SARDH: variants seen among roughly 807,000 people sequenced by gnomAD.
SARDH encodes the protein sarcosine dehydrogenase, mitochondrial.
Under a neutral mutation model 109.1 loss-of-function variants are expected in SARDH, and 95 were observed. That is an observed-to-expected ratio of 0.87 (90% confidence interval 0.74 to 1.03). The LOEUF (loss-of-function observed/expected upper bound fraction) is 1.03, where lower values mean the gene tolerates loss of function less well. Among genes scored for constraint, SARDH ranks in the 50% least tolerant of loss-of-function variants. SARDH has a pLI of 0.00. For missense variants in SARDH, 1,267 were observed against 1,287.8 expected (o/e 0.98, Z 0.25); for synonymous variants, 572 against 534.8 (o/e 1.07, Z -0.96).
chr9:133,720,646 A>AAGAG (rs35425856), intron 6 of SARDH, among the ~76,000 whole-genome samples: 74 of 151,920 alleles, frequency 4.9e-4, no homozygotes, highest in African/African-American at 8.4e-4. Context: ...GGCAGCAGGA[A>AAGAG]AGAGAGAGAG....
chr9:133,732,870 G>A (rs886313167), intron 2 of SARDH, among the ~76,000 whole-genome samples: 10 of 152,196 alleles, frequency 6.6e-5, no homozygotes, highest in African/African-American at 1.4e-4. Context: ...GCCAAGCCCC[G>A]TGCTAAGCCT....
Position 133,696,193 on chromosome 9 carries a change from G to T in SARDH, c.1807+30C>A, listed in dbSNP as rs769505526. On this transcript the variant is annotated intron_variant, in intron 14 of 20. Transcript: ENST00000439388. ...TGAGGCTGTGCCCATGGAGTGACAG[G>T]AACATGCCCCCCAACCTCAGGCTCC... 51 of 1,611,404 alleles carry T rather than the reference G, an allele frequency of 3.2e-5. No homozygotes were observed. In the South Asian group the frequency reaches 5.4e-4, roughly 17 times the overall value.
At position 133,704,848 on chromosome 9, in the gene SARDH, A is replaced by G. The variant is rs58180720; in HGVS notation, c.1554+100T>C. 8.2e-3 allele frequency: 7,961 copies of G among 975,806 alleles called. 444 individuals are homozygous for G. The African/African-American group carries it at 0.11, about 14-fold the overall frequency. The allele number at this position is 975,806 out of a possible 1,614,324, so 60.4% of individuals were successfully genotyped here. A position where few individuals can be genotyped will look rare whatever the true frequency, so the allele number is the denominator to read the frequency against. On this transcript the variant is annotated intron_variant, in intron 12 of 20. Transcript: ENST00000439388. The surrounding 1 kb of genome is among the most constrained non-coding windows in gnomAD (Gnocchi z 4.5). ...ATCACGACAGTGGAACCACCTGGGG[A>G]GGCGGGGCACACGGAGGGGCAAGGA...
rs1457324148 is a variant in SARDH at position 133,704,954 on chromosome 9, T to C, written c.1548A>G (p.Pro516=). 3 of 1,576,620 alleles carry C rather than the reference T, an allele frequency of 1.9e-6. No homozygotes were observed. Among genetic ancestry groups the C allele is most frequent in the African/African-American group, 2.7e-5 (2 of 74,480 alleles). The stretch of plus-strand genomic sequence containing the variant: ...CCCAGCAGGCACTACTCACCGGAGC[T>C]GGGCCTCGGGGATGAAACCATCCCG... ...ERPGWFHPRG[P]APVLEYDYYG... The change falls in exon 12 of 21, where the codon CCA becomes CCG. Residue 516 remains proline (P), a synonymous_variant. Transcript: ENST00000439388. This position sits in a 1 kb window ranked among gnomAD's most constrained non-coding sequence, Gnocchi z 4.5.
At chr9:133,690,689 C>G (rs377752168) in intron 15 of SARDH, among the ~76,000 whole-genome samples, 162 bp from the exon 16 acceptor site, 1 of 152,060 alleles carries the variant, frequency 6.6e-6, no homozygotes, top group Non-Finnish European at 1.5e-5. Context: ...CTGGGTCCCC[C>G]AGGGCCACGC....
intron 11 of SARDH, 151 bp from the exon 12 acceptor site, chr9:133,705,182 C>T (rs1318607259): frequency 2.9e-5 from 21 of 717,448 alleles, no homozygotes; most frequent in Non-Finnish European, 5.1e-5. Context: ...GTGTTTGCAG[C>T]TACCCTCACT....
intron 4 of SARDH, among the ~76,000 whole-genome samples, chr9:133,730,846 G>A (rs1055447479): frequency 3.1e-4 from 47 of 152,056 alleles, no homozygotes; most frequent in Non-Finnish European, 1.5e-4. Flanking sequence ...GAGTGGTGGC[G>A]GGTGCCTGTA....
chr9:133,722,484 C>G (rs1414464110), intron 6 of SARDH, among the ~76,000 whole-genome samples: 1 of 152,018 alleles, frequency 6.6e-6, no homozygotes, highest in Non-Finnish European at 1.5e-5. Context: ...CCCTTCTACC[C>G]AACATTACAT....
In SARDH at chr9:133,693,642, T is replaced by C. The variant is rs1831180096; in HGVS notation, c.1921+616A>G. 2.0e-5 allele frequency among the ~76,000 whole-genome samples: 3 copies of C among 152,204 alleles called. No homozygotes were observed. Among genetic ancestry groups the C allele is most frequent in the Admixed American group, 2.0e-4 (3 of 15,278 alleles). ...ACAGGACGAGAGATCAGATGGCTCC[T>C]GTGTGAACCCAGGGACAGGATCAGG... On this transcript the variant is annotated intron_variant, in intron 15 of 20. Transcript: ENST00000439388. The surrounding 1 kb of genome is among the most constrained non-coding windows in gnomAD (Gnocchi z 5.6).
intron 15 of SARDH, among the ~76,000 whole-genome samples, chr9:133,690,808 GACGGTGTC>G (rs1831064140): frequency 6.6e-6 from 1 of 152,166 alleles, no homozygotes; most frequent in African/African-American, 2.4e-5. Flanking sequence ...ACCCTGGGAG[GACGGTGTC>G]TTGGGAACAC....
intron 17 of SARDH, among the ~76,000 whole-genome samples, chr9:133,681,838 G>A (rs1052876558): frequency 6.6e-6 from 1 of 152,098 alleles, no homozygotes; most frequent in East Asian, 1.9e-4. Context: ...GCACCTCCCC[G>A]CCGCCTATTT....
At chr9:133,659,715 C>T (rs752457687), downstream of SARDH, among the ~76,000 whole-genome samples, 7 of 152,286 alleles carry the variant, frequency 4.6e-5, no homozygotes, top group East Asian at 3.9e-4. Context: ...CTCTGCCTCA[C>T]GTTGTATAAA....
chr9:133,705,064 G>C, intron 11 of SARDH, 33 bp from the exon 12 acceptor site: 1 of 1,556,208 alleles, frequency 6.4e-7, no homozygotes, highest in Non-Finnish European at 8.7e-7. Context: ...CATCTGTCAC[G>C]CATGGCCTGA....
At position 133,729,762 on chromosome 9, in the gene SARDH, T is replaced by C. The variant is rs1588455062; in HGVS notation, c.915+3A>G. ...GACACAGAACCCGGGGCTGTCCACCTACCTGAATCCCCTCGATGCGCTCGG... is the reference window on the plus strand; with the variant it reads ...GACACAGAACCCGGGGCTGTCCACCCACCTGAATCCCCTCGATGCGCTCGG... On this transcript the variant is annotated splice_donor_region_variant and intron_variant, in intron 6 of 20. Transcript: ENST00000439388. 1 of 1,611,616 alleles carries C rather than the reference T, an allele frequency of 6.2e-7. No homozygotes were observed. Among genetic ancestry groups the C allele is most frequent in the Non-Finnish European group, 8.5e-7 (1 of 1,179,284 alleles).
At position 133,716,147 on chromosome 9, in the gene SARDH, G is replaced by A. The variant is rs143191132; in HGVS notation, c.1150+1179C>T. On this transcript the variant is annotated intron_variant, in intron 8 of 20. Transcript: ENST00000439388. ...GCCGGGCTAGGCTGCCCCTCCTCCT[G>A]GCCGCCCGTCTGTGTCCTCAGGCTG... Among the ~76,000 whole-genome samples the A allele has an allele frequency of 2.5e-4, 38 of 152,264 alleles. 1 individual carries two copies. In the East Asian group the frequency reaches 6.2e-3, roughly 25 times the overall value.
At chr9:133,679,675 C>T (rs528405371) in intron 17 of SARDH, among the ~76,000 whole-genome samples, 3 of 152,330 alleles carry the variant, frequency 2.0e-5, no homozygotes, top group South Asian at 4.1e-4. Context: ...GGCTGCTGAG[C>T]GGACAATAAC....
intron 14 of SARDH, 99 bp downstream of exon 14, chr9:133,696,124 G>T: frequency 6.9e-7 from 1 of 1,458,546 alleles, no homozygotes; most frequent in East Asian, 2.3e-5. Context: ...GTGTGCTCAG[G>T]GTGCCCGAGG....
Position 133,692,510 on chromosome 9 carries a change from C to T in SARDH, c.1921+1748G>A, listed in dbSNP as rs560954658. ...CTTGTAGCCAGTGGCTCCTCCCCAT[C>T]CTTCCAAGCTCAGGCCGGCCCTCTC... is the stretch of plus-strand genomic sequence containing the variant. On this transcript the variant is annotated intron_variant, in intron 15 of 20. Transcript: ENST00000439388. The surrounding 1 kb of genome is among the most constrained non-coding windows in gnomAD (Gnocchi z 5.0). Among the ~76,000 whole-genome samples the T allele has an allele frequency of 3.3e-5, 5 of 152,294 alleles. No individual in the cohort carries two copies. The East Asian group carries it at 5.8e-4, about 18-fold the overall frequency.
At chr9:133,691,862 C>T (rs745912350) in intron 15 of SARDH, among the ~76,000 whole-genome samples, 3 of 152,122 alleles carry the variant, frequency 2.0e-5, no homozygotes, top group African/African-American at 4.8e-5. Flanking sequence ...CCCCAGGACC[C>T]GCAGAGCCCT....
Sources: gnomAD v4.1 joint callset for allele counts (sites outside exome capture counted in the v4.1 genomes callset) on GRCh38, gnomAD v4.1.1 for gene constraint, Gnocchi (gnomAD v3.1) non-coding constraint, MANE v1.5 for transcripts, NCBI Gene and HGNC (gene_info 2026-07-23, HGNC 2026-07-21) for gene names.